LIN7A: variants seen among roughly 807,000 people sequenced by gnomAD.
LIN7A encodes lin-7 cell polarity scaffold A.
In LIN7A, 25 loss-of-function variants were observed where a neutral mutation model predicts 29.8. The observed-to-expected ratio is 0.84, with a 90% CI of 0.61 to 1.17. The LOEUF (loss-of-function observed/expected upper bound fraction) is 1.17, where lower values mean the gene tolerates loss of function less well. Ranked by LOEUF, LIN7A falls within the 50% of genes most tolerant of loss-of-function variation. LIN7A has a pLI of 0.00. For missense variants in LIN7A, 239 were observed against 287.0 expected (o/e 0.83, Z 1.21); for synonymous variants, 118 against 107.5 (o/e 1.10, Z -0.60).
chr12:80,902,667 A>T (rs1451952303), intron 1 of LIN7A, among the ~76,000 whole-genome samples: 31 of 151,922 alleles, frequency 2.0e-4, no homozygotes, highest in Admixed American at 2.0e-3. Flanking sequence ...CAGTCTGGAC[A>T]TTGTTGGTGT....
chr12:80,900,584 A>C (rs978744561), intron 1 of LIN7A, among the ~76,000 whole-genome samples: 1 of 152,068 alleles, frequency 6.6e-6, no homozygotes, highest in African/African-American at 2.4e-5. Context: ...CAATTTTCTT[A>C]GTATTGATTT....
intron 4 of LIN7A, among the ~76,000 whole-genome samples, chr12:80,822,702 T>C (rs1423267283): frequency 6.6e-6 from 1 of 152,048 alleles, no homozygotes; most frequent in Admixed American, 6.5e-5. Context: ...AGTCAAACCA[T>C]ATCAGGAAGG....
At chr12:80,838,263 T>A (rs1174944689) in intron 4 of LIN7A, among the ~76,000 whole-genome samples, 1 of 152,192 alleles carries the variant, frequency 6.6e-6, no homozygotes, top group African/African-American at 2.4e-5. Flanking sequence ...AGTTGATCTA[T>A]GAAGGAATGA....
intron 1 of LIN7A, among the ~76,000 whole-genome samples, chr12:80,922,238 C>T (rs1400086870): frequency 6.6e-6 from 1 of 152,120 alleles, no homozygotes; most frequent in Non-Finnish European, 1.5e-5. Flanking sequence ...CGTATTAAAA[C>T]CTCAAGGCAT....
In LIN7A at chr12:80,871,918, C is replaced by T. The variant is rs567338935; in HGVS notation, c.201+17333G>A. 7.9e-5 allele frequency among the ~76,000 whole-genome samples: 12 copies of T among 152,110 alleles called. No homozygotes were observed. In the East Asian group the frequency reaches 2.1e-3, roughly 27 times the overall value. The stretch of plus-strand genomic sequence containing the variant: ...GTTGATATTTAAAGTATTTTTCTCA[C>T]TGTTAGCTCATTATGCCTATTTAGC... On this transcript the variant is annotated intron_variant, in intron 2 of 5. Transcript: ENST00000552864.
intron 4 of LIN7A, among the ~76,000 whole-genome samples, chr12:80,835,341 T>G (rs1402256203): frequency 6.6e-6 from 1 of 152,142 alleles, no homozygotes; most frequent in Non-Finnish European, 1.5e-5. Flanking sequence ...TCCTAATTAC[T>G]ATTAGGAAAG....
intron 4 of LIN7A, among the ~76,000 whole-genome samples, chr12:80,839,576 G>A (rs1021964140): frequency 6.6e-6 from 1 of 152,178 alleles, no homozygotes; most frequent in Non-Finnish European, 1.5e-5. Context: ...TTGCAGTGTA[G>A]TTCATAGCAA....
chr12:80,886,742 T>G (rs947913536), intron 2 of LIN7A, among the ~76,000 whole-genome samples: 3 of 152,114 alleles, frequency 2.0e-5, no homozygotes, highest in Non-Finnish European at 4.4e-5. Context: ...AGTTATAGAC[T>G]TCTATGGACT....
chr12:80,900,603 A>T (rs189168785), intron 1 of LIN7A, among the ~76,000 whole-genome samples: 191 of 151,920 alleles, frequency 1.3e-3, no homozygotes, highest in African/African-American at 4.2e-3. Flanking sequence ...TTCTATTTTT[A>T]TTGTTCTGTG....
At chr12:80,851,728 G>A (rs1406097105) in intron 2 of LIN7A, among the ~76,000 whole-genome samples, 1 of 151,160 alleles carries the variant, frequency 6.6e-6, no homozygotes, top group African/African-American at 2.4e-5. Flanking sequence ...AATTCTTTGG[G>A]TCCCAGAATG....
chr12:80,814,541 T>C (rs1033016982), intron 4 of LIN7A, among the ~76,000 whole-genome samples: 1 of 152,204 alleles, frequency 6.6e-6, no homozygotes, highest in African/African-American at 2.4e-5. Context: ...TAGAGGCCCA[T>C]TATCTCTGTT....
chr12:80,936,158 T>G (rs1409836401), intron 1 of LIN7A, among the ~76,000 whole-genome samples: 1 of 152,226 alleles, frequency 6.6e-6, no homozygotes, highest in Non-Finnish European at 1.5e-5. Context: ...TCCTGCTTAG[T>G]GCAGATGATG....
chr12:80,846,013 T>C (rs1337909247), intron 3 of LIN7A, 74 bp from the exon 4 acceptor site: 10 of 1,317,286 alleles, frequency 7.6e-6, no homozygotes, highest in Non-Finnish European at 1.0e-5. Flanking sequence ...TGCTTTGCAG[T>C]GGGTAGCTCA....
intron 1 of LIN7A, among the ~76,000 whole-genome samples, chr12:80,936,108 T>C (rs1878202946): frequency 6.6e-6 from 1 of 152,234 alleles, no homozygotes; most frequent in South Asian, 2.1e-4. Context: ...TAGTTTCTGA[T>C]AGCTTGCCAT....
At chr12:80,845,000 A>G (rs953921879) in intron 4 of LIN7A, among the ~76,000 whole-genome samples, 7 of 152,200 alleles carry the variant, frequency 4.6e-5, no homozygotes, top group African/African-American at 1.7e-4. Flanking sequence ...GCACTTTGGG[A>G]GGCCGAGGCA....
At chr12:80,892,780 C>T (rs1328832907) in intron 1 of LIN7A, among the ~76,000 whole-genome samples, 1 of 152,106 alleles carries the variant, frequency 6.6e-6, no homozygotes, top group Non-Finnish European at 1.5e-5. Flanking sequence ...GGGCATGGGG[C>T]TTTTTAAAGC....
intron 4 of LIN7A, among the ~76,000 whole-genome samples, chr12:80,814,771 T>G (rs1871453827): frequency 6.6e-6 from 1 of 152,184 alleles, no homozygotes; most frequent in Non-Finnish European, 1.5e-5. Context: ...CTCCACAGTT[T>G]TCAATTCCAG....
Position 80,807,077 on chromosome 12 carries a change from T to TTTTTTTTTGTTTG in LIN7A, c.*4387_*4388insCAAACAAAAAAAA, listed in dbSNP as rs1555221363. On this transcript the variant is annotated intron_variant, in intron 5 of 5. Coordinates refer to ENST00000552864, the MANE Select transcript of LIN7A (RefSeq NM_004664.4). The stretch of plus-strand genomic sequence containing the variant: ...ATGAAGATGGAGTTTTTTTTTTTTT[T>TTTTTTTTTGTTTG]TTTTTTTTTTTTTTGACGGAGTCTC... 3.9e-3 allele frequency among the ~76,000 whole-genome samples: 445 copies of TTTTTTTTTGTTTG among 115,558 alleles called. 19 individuals are homozygous for TTTTTTTTTGTTTG. Among genetic ancestry groups the TTTTTTTTTGTTTG allele is most frequent in the Non-Finnish European group, 6.8e-3 (377 of 55,282 alleles). 75.8% of individuals were successfully genotyped at this position (115,558 alleles called of 152,430 possible). A position where few individuals can be genotyped will look rare whatever the true frequency, so the allele number is the denominator to read the frequency against.
intron 1 of LIN7A, among the ~76,000 whole-genome samples, chr12:80,894,940 C>T (rs926644592): frequency 6.6e-6 from 1 of 152,158 alleles, no homozygotes; most frequent in African/African-American, 2.4e-5. Context: ...ATACACCTAA[C>T]AAATGGAGAG....
Sources: gnomAD v4.1 joint callset for allele counts (sites outside exome capture counted in the v4.1 genomes callset) on GRCh38, gnomAD v4.1.1 for gene constraint, MANE v1.5 for transcripts, NCBI Gene and HGNC (gene_info 2026-07-23, HGNC 2026-07-21) for gene names.